The following NIBAN1 variants were observed in gnomAD, a reference collection of about 807,000 sequenced individuals.
NIBAN1 encodes the protein protein Niban 1.
NIBAN1 carries 81 observed loss-of-function variants against 75.1 expected under a neutral mutation model. That is an observed-to-expected ratio of 1.08 (90% CI 0.90 to 1.30). The LOEUF (loss-of-function observed/expected upper bound fraction) is 1.30. NIBAN1 is among the 50% of genes most tolerant of loss of function. NIBAN1 has a pLI of 0.00. For missense variants in NIBAN1, 1,133 were observed against 1,128.1 expected, an observed-to-expected ratio of 1.00 and a Z score of -0.06; for synonymous variants, 436 against 424.8, an observed-to-expected ratio of 1.03 and a Z score of -0.32.
chr1:184,969,522 T>C (rs1658881004), intron 1 of NIBAN1, among the ~76,000 whole-genome samples: 1 of 152,084 alleles, frequency 6.6e-6, no homozygotes, highest in Non-Finnish European at 1.5e-5. Flanking sequence ...GGTGGCAAAC[T>C]TCCCCTCAAG....
At position 184,817,918 on chromosome 1, in the gene NIBAN1, G is replaced by A. The variant is rs146366138; in HGVS notation, c.1173+720C>T. Among the ~76,000 whole-genome samples, 113 of 152,332 alleles carry A rather than the reference G, an allele frequency of 7.4e-4. 1 individual carries two copies. The East Asian group carries it at 0.019, about 25-fold the overall frequency. Reference sequence around the variant, plus strand: ...ATAGACTGCTGAATGTTCAAACTGCGTTCAAATAAGGCAAATGCCGAGCTG... The same window carrying A: ...ATAGACTGCTGAATGTTCAAACTGCATTCAAATAAGGCAAATGCCGAGCTG... On this transcript the variant is annotated intron_variant, in intron 9 of 13. Transcript: ENST00000367511.
intron 1 of NIBAN1, among the ~76,000 whole-genome samples, chr1:184,917,062 CTTATTGCAG>C (rs1482399235): frequency 6.6e-6 from 1 of 152,208 alleles, no homozygotes; most frequent in Non-Finnish European, 1.5e-5. Context: ...TTCCCGGCTG[CTTATTGCAG>C]GCTTCCCAGC....
At chr1:184,910,860 C>T (rs1256975216) in intron 1 of NIBAN1, among the ~76,000 whole-genome samples, 3 of 152,132 alleles carry the variant, frequency 2.0e-5, no homozygotes, top group Non-Finnish European at 4.4e-5. Context: ...GAAATTTTCT[C>T]CTGCCTGAAT....
chr1:184,830,847 A>G (rs1654978314), intron 6 of NIBAN1, among the ~76,000 whole-genome samples: 1 of 152,086 alleles, frequency 6.6e-6, no homozygotes, highest in Non-Finnish European at 1.5e-5. Context: ...CTAAAAATAC[A>G]AAAGTTAGCA....
intron 5 of NIBAN1, among the ~76,000 whole-genome samples, chr1:184,855,693 T>A (rs1003111839): frequency 2.0e-5 from 3 of 152,224 alleles, no homozygotes; most frequent in African/African-American, 7.2e-5. Flanking sequence ...TCATGGTCTA[T>A]TTTCTGTTTC....
At chr1:184,823,821 G>C (rs1654772319) in intron 6 of NIBAN1, 79 bp from the exon 7 acceptor site, 1 of 1,225,310 alleles carries the variant, frequency 8.2e-7, no homozygotes, top group East Asian at 2.4e-5. Flanking sequence ...AAAATGTCCT[G>C]ATTGGCTGTC....
intron 2 of NIBAN1, among the ~76,000 whole-genome samples, chr1:184,897,979 A>G (rs1225233076): frequency 6.6e-6 from 1 of 152,134 alleles, no homozygotes; most frequent in East Asian, 1.9e-4. Flanking sequence ...TTCTTTACAC[A>G]GAGGCCAGAC....
intron 1 of NIBAN1, among the ~76,000 whole-genome samples, chr1:184,961,828 A>G (rs1571608247): frequency 1.3e-5 from 2 of 152,188 alleles, no homozygotes; most frequent in East Asian, 3.9e-4. Context: ...TTATAAGGAG[A>G]CTCAAAGAAT....
At chr1:184,831,365 T>A (rs1654995131) in intron 6 of NIBAN1, among the ~76,000 whole-genome samples, 2 of 152,242 alleles carry the variant, frequency 1.3e-5, no homozygotes, top group Admixed American at 6.5e-5. Context: ...CTTCCCCAAC[T>A]GCACTTCACT....
intron 6 of NIBAN1, among the ~76,000 whole-genome samples, chr1:184,828,580 G>A (rs1456254332): frequency 3.3e-5 from 5 of 152,032 alleles, no homozygotes; most frequent in Non-Finnish European, 7.3e-5. Flanking sequence ...TCCTTACCTG[G>A]CCTCACACAG....
intron 1 of NIBAN1, among the ~76,000 whole-genome samples, chr1:184,945,655 A>C (rs1658202404): frequency 2.0e-5 from 3 of 152,242 alleles, no homozygotes; most frequent in Admixed American, 6.5e-5. Context: ...TGTATCTTTT[A>C]ATGATTTGCT....
At chr1:184,859,099 A>G (rs1655750084) in intron 5 of NIBAN1, among the ~76,000 whole-genome samples, 1 of 151,924 alleles carries the variant, frequency 6.6e-6, no homozygotes, top group Non-Finnish European at 1.5e-5. Flanking sequence ...ATGAAAAGAG[A>G]AGCAAAAAAA....
intron 5 of NIBAN1, among the ~76,000 whole-genome samples, chr1:184,871,700 C>G (rs539666909): frequency 6.6e-6 from 1 of 152,200 alleles, no homozygotes; most frequent in Non-Finnish European, 1.5e-5. Context: ...CTACCTTTTT[C>G]TAGCCTCCCA....
At chr1:184,927,655 C>A (rs1657714906) in intron 1 of NIBAN1, among the ~76,000 whole-genome samples, 1 of 152,054 alleles carries the variant, frequency 6.6e-6, no homozygotes, top group South Asian at 2.1e-4. Context: ...CCACTGCCTG[C>A]CTACGACCTA....
chr1:184,861,701 G>A (rs1018352795), intron 5 of NIBAN1, among the ~76,000 whole-genome samples: 1 of 143,558 alleles, frequency 7.0e-6, no homozygotes, highest in Admixed American at 7.0e-5. Flanking sequence ...GGGAAGGAAA[G>A]AAGGAAGGAA....
At chr1:184,908,480 A>G (rs1300772775) in intron 1 of NIBAN1, among the ~76,000 whole-genome samples, 2 of 152,096 alleles carry the variant, frequency 1.3e-5, no homozygotes. Context: ...TATTCCCACT[A>G]CCTTATTCCA....
At chr1:184,854,661 A>G (rs915720961) in intron 5 of NIBAN1, among the ~76,000 whole-genome samples, 3 of 152,196 alleles carry the variant, frequency 2.0e-5, no homozygotes, top group African/African-American at 7.2e-5. Context: ...GACAGATGAG[A>G]TCATTTCCAA....
At chr1:184,920,225 C>T (rs1201940819) in intron 1 of NIBAN1, among the ~76,000 whole-genome samples, 6 of 152,154 alleles carry the variant, frequency 3.9e-5, no homozygotes, top group Non-Finnish European at 1.5e-5. Flanking sequence ...AACCAATTAA[C>T]GTTTATGGCT....
intron 5 of NIBAN1, among the ~76,000 whole-genome samples, chr1:184,859,204 A>ATAAC (rs1237778644): frequency 6.6e-6 from 1 of 151,638 alleles, no homozygotes; most frequent in East Asian, 1.9e-4. Flanking sequence ...AAATAAATAA[A>ATAAC]TATATATATA....
Sources: gnomAD v4.1 joint callset for allele counts (sites outside exome capture counted in the v4.1 genomes callset) on GRCh38, gnomAD v4.1.1 for gene constraint, MANE v1.5 for transcripts, NCBI Gene and HGNC (gene_info 2026-07-23, HGNC 2026-07-21) for gene names.